The following RHOC variants were observed in gnomAD, a reference collection of about 807,000 sequenced individuals.
RHOC encodes ras homolog family member C, also known as rho-related GTP-binding protein RhoC.
In RHOC, 13 loss-of-function variants were observed where a neutral mutation model predicts 19.5. That is an observed-to-expected ratio of 0.67 (90% CI 0.43 to 1.06). The LOEUF (loss-of-function observed/expected upper bound fraction) is 1.06. Ranked by LOEUF, RHOC falls within the 50% of genes least tolerant of loss-of-function variation. RHOC has a pLI of 0.00. For missense variants in RHOC, 173 were observed against 256.9 expected (o/e 0.67, Z 2.23); for synonymous variants, 106 against 97.3 (o/e 1.09, Z -0.52).
At chr1:112,706,423 C>G (rs1456191443) in intron 1 of RHOC, among the ~76,000 whole-genome samples, 6 of 82,224 alleles carry the variant, frequency 7.3e-5, no homozygotes, top group Non-Finnish European at 2.5e-5. Flanking sequence ...CTCTCTCTCT[C>G]TCTCTCTACA....
At chr1:112,702,892 C>CAG (rs1674705187) in intron 4 of RHOC, 107 bp downstream of exon 4, 6 of 1,451,830 alleles carry the variant, frequency 4.1e-6, no homozygotes, top group Non-Finnish European at 5.7e-6. Flanking sequence ...CTGAGTGCTC[C>CAG]CCTGCATCCC....
chr1:112,702,536 G>C, intron 5 of RHOC, 27 bp downstream of exon 5: 2 of 1,611,518 alleles, frequency 1.2e-6, no homozygotes, highest in African/African-American at 2.7e-5. Context: ...TCTTCCCCAG[G>C]GGCTCCAGCC....
In RHOC at chr1:112,706,515, C is replaced by CACACACACAAACACACACAA. The variant is rs1244842379; in HGVS notation, c.-77+562_-77+563insTTGTGTGTGTTTGTGTGTGT. 3.2e-5 allele frequency among the ~76,000 whole-genome samples: 3 copies of CACACACACAAACACACACAA among 93,448 alleles called. 1 individual carries two copies. 61.3% of individuals were successfully genotyped at this position (93,448 alleles called of 152,430 possible). A position where few individuals can be genotyped will look rare whatever the true frequency, so the allele number is the denominator to read the frequency against. On this transcript the variant is annotated intron_variant, in intron 1 of 5. Coordinates refer to ENST00000339083, the MANE Select transcript of RHOC (RefSeq NM_175744.5). ...ACACACACACACACACACACACACA[C>CACACACACAAACACACACAA]ACACACACACACACACACACACAGA...
intron 4 of RHOC, 30 bp downstream of exon 4, chr1:112,702,969 T>A (rs752691157): frequency 1.8e-5 from 29 of 1,573,916 alleles, no homozygotes; most frequent in Non-Finnish European, 1.8e-5. Context: ...TTCCAAGGGG[T>A]TCTCAGTCCC....
chr1:112,706,860 G>C (rs1011386663), intron 1 of RHOC: 2 of 152,112 alleles, frequency 1.3e-5, no homozygotes, highest in Non-Finnish European at 2.9e-5. Flanking sequence ...CCTGCCGGCA[G>C]GTCCGGGCCC....
chr1:112,706,515 C>CACACACACAA (rs1244842379), intron 1 of RHOC, among the ~76,000 whole-genome samples: 45 of 93,532 alleles, frequency 4.8e-4, no homozygotes, highest in African/African-American at 7.4e-4. Flanking sequence ...CACACACACA[C>CACACACACAA]ACACACACAC....
At position 112,702,646 on chromosome 1, in the gene RHOC, T is replaced by C; in HGVS notation, c.325A>G (p.Asn109Asp). The C allele has an allele frequency of 6.2e-7, 1 of 1,614,110 alleles. No homozygotes were observed. The highest frequency in any genetic ancestry group is 8.5e-7 in the Non-Finnish European group (1 of 1,180,012). Residue 109 changes from asparagine to aspartate, a missense_variant, in exon 5 of 6, where the codon AAC (asparagine) becomes GAC (aspartate). Asn to Asp is a conservative substitution (Grantham distance 23). Around this residue, in one of 2 missense-constraint regions of RHOC, gnomAD observed 92 missense variants for 171.1 expected, o/e 0.54. Transcript: ENST00000339083. ...TTCCCCACCAGGATGATGGGCACGT[T>C]GGGGCAGAAGTGCTTCACCTCTGGG... ...WTPEVKHFCP[N>D]VPIILVGNKK...
chr1:112,706,267 C>G (rs1674831401), intron 1 of RHOC: 1 of 152,406 alleles, frequency 6.6e-6, no homozygotes, highest in African/African-American at 2.4e-5. Flanking sequence ...GGAAGGAATC[C>G]GTTCTGGAGA....
Position 112,703,626 on chromosome 1 carries a change from G to A in RHOC, c.156+18C>T, listed in dbSNP as rs1479876673. 1 of 1,605,960 alleles carries A rather than the reference G, an allele frequency of 6.2e-7. No homozygotes were observed. The highest frequency in any genetic ancestry group is 8.5e-7 in the Non-Finnish European group (1 of 1,175,212). On this transcript the variant is annotated intron_variant, in intron 3 of 5. Transcript: ENST00000339083. ...GCGGGGTCTCAGGGTGGGGTGGGAAGGGCATTTCTGCCTTCACCTGCTTGC... is the reference window on the plus strand; with the variant it reads ...GCGGGGTCTCAGGGTGGGGTGGGAAAGGCATTTCTGCCTTCACCTGCTTGC...
rs571130045 is a variant in RHOC, at chr1:112,704,905, T to C, written c.-8+195A>G. On this transcript the variant is annotated intron_variant, in intron 2 of 5. Coordinates refer to ENST00000339083, the MANE Select transcript of RHOC (RefSeq NM_175744.5). ...ACCAGGGAATCACCTCCACCCACTC[T>C]GGAACAGCCCCTTCCTCCCTCAGTC... The C allele has an allele frequency of 5.0e-6, 3 of 596,478 alleles. No individual in the cohort carries two copies. The African/African-American group carries it at 5.5e-5, about 11-fold the overall frequency. The allele number at this position is 596,478 out of a possible 1,614,324, so 36.9% of individuals were successfully genotyped here.
chr1:112,703,786 C>T lies in RHOC; in HGVS notation c.14G>A (p.Arg5Gln), dbSNP rs1341176142. MAAIRKKLVIVGDGA... is the reference protein window; with the variant it reads MAAIQKKLVIVGDGA... Reference sequence around the variant, plus strand: ...ATCCCCAACGATCACCAGCTTCTTTCGGATTGCAGCCATGGTGGGGCTGCC... The same window carrying T: ...ATCCCCAACGATCACCAGCTTCTTTTGGATTGCAGCCATGGTGGGGCTGCC... Residue 5 changes from arginine to glutamine, a missense_variant, in exon 3 of 6, where the codon CGA (arginine) becomes CAA (glutamine). Coordinates refer to ENST00000339083, the MANE Select transcript of RHOC (RefSeq NM_175744.5). 1 of 1,611,412 alleles carries T rather than the reference C, an allele frequency of 6.2e-7. No homozygotes were observed.
intron 1 of RHOC, among the ~76,000 whole-genome samples, chr1:112,706,458 CACACACCACACACACACA>C (rs1674862275): frequency 8.0e-5 from 2 of 24,916 alleles, no homozygotes; most frequent in African/African-American, 2.7e-4. Flanking sequence ...CACACACACA[CACACACCACACACACACA>C]CACACACACA....
intron 1 of RHOC, chr1:112,705,702 C>A (rs1174138880): frequency 2.2e-6 from 1 of 456,076 alleles, no homozygotes; most frequent in African/African-American, 2.0e-5. Flanking sequence ...TTTCTTCCAA[C>A]TCCTCCACCC....
Position 112,701,633 on chromosome 1 carries a change from G to T in RHOC, c.489C>A (p.Thr163=), listed in dbSNP as rs1194201044. The part of the protein sequence containing the change: ...AFGYLECSAK[T]KEGVREVFEM... ...CAAACACCTCCCGCACTCCCTCCTT[G>T]GTCTTGGCTGAGCACTCAAGGTAGC... The change falls in exon 6 of 6, where the codon ACC becomes ACA. Residue 163 remains threonine, a synonymous_variant. Transcript: ENST00000339083. The T allele has an allele frequency of 6.2e-7, 1 of 1,613,962 alleles. No individual in the cohort carries two copies. The highest frequency in any genetic ancestry group is 8.5e-7 in the Non-Finnish European group (1 of 1,180,000).
intron 1 of RHOC, among the ~76,000 whole-genome samples, chr1:112,706,529 CACACACACAG>C (rs1187139242): frequency 7.9e-6 from 1 of 126,426 alleles, no homozygotes; most frequent in African/African-American, 3.0e-5. Flanking sequence ...CACACACACA[CACACACACAG>C]AGTTGGATCC....
chr1:112,703,066 C>T lies in RHOC; in HGVS notation c.210G>A (p.Arg70=). ...TAGQEDYDRL[R]PLSYPDTDVI... ...CATCAGTGTCCGGGTAGGAGAGAGG[C>T]CGCAGTCGATCATAGTCTTCCTGCC... Residue 70 remains arginine, a synonymous_variant, in exon 4 of 6, where the codon CGG becomes CGA. Coordinates refer to ENST00000339083, the MANE Select transcript of RHOC (RefSeq NM_175744.5). The T allele has an allele frequency of 6.2e-7, 1 of 1,614,182 alleles. No homozygotes were observed. The highest frequency in any genetic ancestry group is 8.5e-7 in the Non-Finnish European group (1 of 1,180,022).
At chr1:112,705,029 G>A (rs1291352660) in intron 2 of RHOC, 71 bp downstream of exon 2, 9 of 688,930 alleles carry the variant, frequency 1.3e-5, no homozygotes, top group Admixed American at 6.0e-5. Context: ...CACACACAGC[G>A]AGCATCTGCA....
Position 112,701,301 on chromosome 1 carries a change from C to G in RHOC, c.*239G>C, listed in dbSNP as rs909803848. 1.0e-5 allele frequency: 12 copies of G among 1,188,130 alleles called. No individual in the cohort carries two copies. Among genetic ancestry groups the G allele is most frequent in the Non-Finnish European group, 1.4e-5 (12 of 858,846 alleles). 73.6% of individuals were successfully genotyped at this position (1,188,130 alleles called of 1,614,324 possible). A position where few individuals can be genotyped will look rare whatever the true frequency, so the allele number is the denominator to read the frequency against. ...TGTGTGACCATCCTTTGGGGAAGGT[C>G]AAAGGGGGCAAGATCCCCAGGGGCC... is the stretch of plus-strand genomic sequence containing the variant. On this transcript the variant is annotated 3_prime_UTR_variant, in exon 6 of 6. Transcript: ENST00000339083.
At position 112,701,738 on chromosome 1, in the gene RHOC, C is replaced by CA. The variant is rs1463110987; in HGVS notation, c.409-26dup. The CA allele has an allele frequency of 1.9e-6, 3 of 1,612,596 alleles. No homozygotes were observed. The African/African-American group carries it at 4.0e-5, about 22-fold the overall frequency. On this transcript the variant is annotated intron_variant, in intron 5 of 5. Transcript: ENST00000339083. ...CCTGAGAAGACATAAGATGAGGGGT[C>CA]AAAGGAAGCTGTTGACTACATGAAC...
Sources: gnomAD v4.1 joint callset for allele counts (sites outside exome capture counted in the v4.1 genomes callset) on GRCh38, gnomAD v4.1.1 for gene constraint, gnomAD v4.1.1 regional missense constraint, MANE v1.5 for transcripts, NCBI Gene and HGNC (gene_info 2026-07-23, HGNC 2026-07-21) for gene names.